Variants in RBFOX1 observed in about 807,000 individuals in gnomAD.
RBFOX1 encodes RNA binding protein fox-1 homolog 1.
Under a neutral mutation model 57.7 loss-of-function variants are expected in RBFOX1, and 8 were observed. That is an observed-to-expected ratio of 0.14 (90% CI 0.08 to 0.25). The LOEUF (loss-of-function observed/expected upper bound fraction) is 0.25, where lower values mean the gene tolerates loss of function less well. Ranked by LOEUF, RBFOX1 falls within the 10% of genes least tolerant of loss-of-function variation. The pLI is 1.00. For missense variants in RBFOX1, 611 were observed against 548.5 expected (o/e 1.11, Z -1.14); for synonymous variants, 326 against 222.4 (o/e 1.47, Z -4.15).
At chr16:6,868,848 G>A (rs942962545) in intron 3 of RBFOX1, among the ~76,000 whole-genome samples, 1 of 152,146 alleles carries the variant, frequency 6.6e-6, no homozygotes, top group Admixed American at 6.5e-5. Flanking sequence ...GACTTACTTT[G>A]ACTAATGAAA....
At chr16:6,431,659 G>A (rs2094089436) in intron 2 of RBFOX1, among the ~76,000 whole-genome samples, 1 of 152,084 alleles carries the variant, frequency 6.6e-6, no homozygotes, top group Non-Finnish European at 1.5e-5. Flanking sequence ...GTATTACAAG[G>A]ACTTGGGCAC....
rs1164789781 is a variant in RBFOX1 at position 6,720,256 on chromosome 16, AG to A, written c.-16+65607del. On this transcript the variant is annotated intron_variant, in intron 3 of 15. Transcript: ENST00000550418. Reference sequence around the variant, plus strand: ...CTGCTGAATGTTCAAGAAAAAAAAAAGTGTGTACTTCTTCCCCCTTCACTCT... The same window carrying A: ...CTGCTGAATGTTCAAGAAAAAAAAAATGTGTACTTCTTCCCCCTTCACTCT... Among the ~76,000 whole-genome samples the A allele has an allele frequency of 3.3e-5, 5 of 151,984 alleles. 1 individual carries two copies. Among genetic ancestry groups the A allele is most frequent in the Non-Finnish European group, 1.5e-5 (1 of 67,988 alleles).
At chr16:6,769,731 A>C (rs1648421442) in intron 3 of RBFOX1, among the ~76,000 whole-genome samples, 1 of 152,152 alleles carries the variant, frequency 6.6e-6, no homozygotes, top group South Asian at 2.1e-4. Flanking sequence ...ATCTTGGCTG[A>C]TAATTTGGGT....
chr16:6,881,129 C>G (rs962639204), intron 3 of RBFOX1, among the ~76,000 whole-genome samples: 6 of 152,134 alleles, frequency 3.9e-5, no homozygotes, highest in African/African-American at 1.4e-4. Flanking sequence ...GTGAAGCGCT[C>G]CAGGCAGTGA....
At chr16:5,878,171 C>T (rs1444148903) in intron 4 of RBFOX1, among the ~76,000 whole-genome samples, 2 of 152,102 alleles carry the variant, frequency 1.3e-5, no homozygotes, top group African/African-American at 4.8e-5. Flanking sequence ...GGAAAATCAG[C>T]TGGACATGTG....
chr16:6,158,884 A>G (rs150465628), intron 1 of RBFOX1, among the ~76,000 whole-genome samples: 1 of 149,738 alleles, frequency 6.7e-6, no homozygotes, highest in African/African-American at 2.5e-5. Flanking sequence ...TTTTCTGACT[A>G]GGTGAAATTT....
chr16:5,557,084 C>T (rs1002279928), intron 2 of RBFOX1, among the ~76,000 whole-genome samples: 1 of 151,826 alleles, frequency 6.6e-6, no homozygotes, highest in African/African-American at 2.4e-5. Context: ...ACAGTGAAAC[C>T]CCATCTCTAC....
intron 1 of RBFOX1, among the ~76,000 whole-genome samples, chr16:6,252,618 T>TTGTTC (rs1022255797): frequency 2.6e-5 from 4 of 151,734 alleles, no homozygotes; most frequent in Non-Finnish European, 5.9e-5. Flanking sequence ...GTGTTTTGTT[T>TTGTTC]TGTTTTGTTT....
intron 2 of RBFOX1, among the ~76,000 whole-genome samples, chr16:5,540,963 C>T (rs567116787): frequency 6.6e-6 from 1 of 152,150 alleles, no homozygotes; most frequent in Non-Finnish European, 1.5e-5. Context: ...GATTGTCCTG[C>T]CTCAGCGTCC....
intron 3 of RBFOX1, among the ~76,000 whole-genome samples, chr16:6,865,299 G>A (rs768329985): frequency 1.3e-5 from 2 of 151,676 alleles, no homozygotes; most frequent in South Asian, 4.2e-4. Context: ...CACCGTGCCC[G>A]ACCTGGAGTG....
intron 4 of RBFOX1, among the ~76,000 whole-genome samples, chr16:7,168,493 T>A (rs558812641): frequency 9.9e-4 from 151 of 152,220 alleles, no homozygotes; most frequent in African/African-American, 3.3e-3. Flanking sequence ...GAAACCTAAT[T>A]ATAAGCATCA....
At chr16:6,375,758 C>A (rs1287107485) in intron 2 of RBFOX1, among the ~76,000 whole-genome samples, 1 of 152,044 alleles carries the variant, frequency 6.6e-6, no homozygotes, top group East Asian at 1.9e-4. Context: ...GAATGAGTAC[C>A]CAGAGGTTTC....
chr16:7,072,546 G>A (rs908331602), intron 4 of RBFOX1, among the ~76,000 whole-genome samples: 1 of 152,020 alleles, frequency 6.6e-6, no homozygotes, highest in African/African-American at 2.4e-5. Flanking sequence ...ATTGTTTTTT[G>A]TTGTTAATAC....
intron 4 of RBFOX1, among the ~76,000 whole-genome samples, chr16:7,169,970 G>T (rs1318615269): frequency 6.6e-6 from 1 of 152,062 alleles, no homozygotes; most frequent in Non-Finnish European, 1.5e-5. Context: ...CTACTTGGGA[G>T]GATCAGGTAG....
At chr16:6,739,159 T>C (rs2071308424) in intron 3 of RBFOX1, among the ~76,000 whole-genome samples, 2 of 150,048 alleles carry the variant, frequency 1.3e-5, no homozygotes, top group African/African-American at 2.5e-5. Context: ...GTCAATGAAA[T>C]TGAAAACAGA....
At chr16:5,970,754 A>C (rs2059946077) in intron 4 of RBFOX1, among the ~76,000 whole-genome samples, 1 of 152,196 alleles carries the variant, frequency 6.6e-6, no homozygotes, top group African/African-American at 2.4e-5. Flanking sequence ...TGGCACTGAC[A>C]TCAAAATCAT....
At chr16:7,163,901 C>G (rs149881789) in intron 4 of RBFOX1, among the ~76,000 whole-genome samples, 1,542 of 152,254 alleles carry the variant, frequency 0.01, 27 homozygotes, top group African/African-American at 0.035. Flanking sequence ...CTCAAATGAT[C>G]CATCCACTTC....
chr16:6,517,901 G>T (rs1426311816), intron 2 of RBFOX1, among the ~76,000 whole-genome samples: 1 of 152,158 alleles, frequency 6.6e-6, no homozygotes, highest in Admixed American at 6.5e-5. Flanking sequence ...TAATACTTGT[G>T]GTGATGATAA....
At chr16:5,756,289 C>T (rs573275290) in intron 3 of RBFOX1, among the ~76,000 whole-genome samples, 6 of 149,112 alleles carry the variant, frequency 4.0e-5, no homozygotes, top group South Asian at 2.1e-4. Flanking sequence ...TATGAAATGC[C>T]GTGGGGTTGT....
Sources: allele counts gnomAD v4.1 joint callset (sites outside exome capture counted in the v4.1 genomes callset), GRCh38; gene constraint gnomAD v4.1.1; transcripts MANE v1.5; gene names NCBI Gene and HGNC (gene_info 2026-07-23, HGNC 2026-07-21).